The following KCNT2 variants were observed in gnomAD, a reference collection of about 807,000 sequenced individuals.
KCNT2 encodes the protein potassium channel subfamily T member 2.
In KCNT2, 67 loss-of-function variants were observed where a neutral mutation model predicts 153.8. The observed-to-expected ratio is 0.44, with a 90% confidence interval of 0.36 to 0.53. KCNT2 has a LOEUF of 0.53. KCNT2 is among the 20% of genes least tolerant of loss of function. The pLI is 0.00. For synonymous variants in KCNT2, 500 were observed against 458.8 expected (o/e 1.09, Z -1.15); for missense variants, 975 against 1,354.8 (o/e 0.72, Z 4.40).
At chr1:196,540,918 T>G (rs1558056573) in intron 1 of KCNT2, among the ~76,000 whole-genome samples, 1 of 151,594 alleles carries the variant, frequency 6.6e-6, no homozygotes, top group Non-Finnish European at 1.5e-5. Flanking sequence ...TACAAAAAAT[T>G]AGCCAGGCGT....
intron 8 of KCNT2, among the ~76,000 whole-genome samples, chr1:196,435,170 T>C (rs945050478): frequency 7.4e-6 from 1 of 135,394 alleles, no homozygotes; most frequent in African/African-American, 2.7e-5. Context: ...TATATATATA[T>C]ATATATATAT....
chr1:196,273,484 C>G (rs1047024674), intron 25 of KCNT2: 1 of 1,530,136 alleles, frequency 6.5e-7, no homozygotes, highest in South Asian at 1.2e-5. Context: ...TGCTATTTTT[C>G]GAGACTGACA....
chr1:196,322,441 A>C (rs1663416530), intron 19 of KCNT2, among the ~76,000 whole-genome samples: 1 of 151,884 alleles, frequency 6.6e-6, no homozygotes, highest in Non-Finnish European at 1.5e-5. Flanking sequence ...AACCGGTAAT[A>C]AACAAAATAA....
intron 14 of KCNT2, among the ~76,000 whole-genome samples, chr1:196,365,373 TTCCTG>T (rs1393265175): frequency 1.3e-5 from 2 of 152,150 alleles, no homozygotes; most frequent in African/African-American, 4.8e-5. Flanking sequence ...AGTTTTATAC[TTCCTG>T]TAACTCATGG....
intron 1 of KCNT2, among the ~76,000 whole-genome samples, chr1:196,579,781 C>T (rs1228798375): frequency 6.6e-6 from 1 of 152,170 alleles, no homozygotes; most frequent in East Asian, 1.9e-4. Context: ...GCATGAGCCA[C>T]CACACTCCTC....
intron 8 of KCNT2, among the ~76,000 whole-genome samples, chr1:196,464,465 A>G (rs181659565): frequency 6.6e-6 from 1 of 151,942 alleles, no homozygotes; most frequent in Admixed American, 6.6e-5. Context: ...ATTTACATGC[A>G]TACATGTATA....
At chr1:196,493,526 AT>A (rs1269385640) in intron 1 of KCNT2, among the ~76,000 whole-genome samples, 1 of 152,124 alleles carries the variant, frequency 6.6e-6, no homozygotes, top group East Asian at 1.9e-4. Context: ...AAAGCAGTTT[AT>A]TGTGTCACAA....
At chr1:196,271,173 T>G (rs1350129856) in intron 25 of KCNT2, among the ~76,000 whole-genome samples, 1 of 152,036 alleles carries the variant, frequency 6.6e-6, no homozygotes, top group Non-Finnish European at 1.5e-5. Context: ...AAAAGAATAC[T>G]ATAAGACCTG....
intron 3 of KCNT2, among the ~76,000 whole-genome samples, chr1:196,487,409 A>AGGGTGT (rs1553236224): frequency 1.4e-5 from 2 of 146,436 alleles, no homozygotes; most frequent in African/African-American, 5.0e-5. Context: ...CATGTTATGG[A>AGGGTGT]GTGTGTGTGT....
intron 1 of KCNT2, among the ~76,000 whole-genome samples, chr1:196,541,583 T>A (rs1656375894): frequency 6.6e-6 from 1 of 152,144 alleles, no homozygotes; most frequent in Admixed American, 6.5e-5. Context: ...ATGAGTATAT[T>A]TAATAAGAGA....
At chr1:196,376,724 C>T (rs1249853761) in intron 13 of KCNT2, among the ~76,000 whole-genome samples, 1 of 151,792 alleles carries the variant, frequency 6.6e-6, no homozygotes, top group African/African-American at 2.4e-5. Flanking sequence ...TTTTATTAAA[C>T]CAATTAAAAA....
intron 1 of KCNT2, among the ~76,000 whole-genome samples, chr1:196,585,136 A>C (rs1662518239): frequency 6.6e-6 from 1 of 152,128 alleles, no homozygotes; most frequent in South Asian, 2.1e-4. Context: ...ATATTTAAAA[A>C]ATGACAACTC....
chr1:196,558,436 TG>T (rs1354646271), intron 1 of KCNT2, among the ~76,000 whole-genome samples: 1 of 151,012 alleles, frequency 6.6e-6, no homozygotes, highest in Non-Finnish European at 1.5e-5. Flanking sequence ...TTTGTTAATT[TG>T]GGGGGTGTTT....
chr1:196,447,398 G>T (rs1354602393), intron 8 of KCNT2, among the ~76,000 whole-genome samples: 1 of 151,620 alleles, frequency 6.6e-6, no homozygotes, highest in Non-Finnish European at 1.5e-5. Flanking sequence ...GAAACATTTA[G>T]TTCAAAACCC....
At chr1:196,578,393 T>C (rs1558099137) in intron 1 of KCNT2, among the ~76,000 whole-genome samples, 1 of 152,000 alleles carries the variant, frequency 6.6e-6, no homozygotes, top group Non-Finnish European at 1.5e-5. Context: ...GTGCAAAAAA[T>C]AGAATGGCTG....
intron 1 of KCNT2, among the ~76,000 whole-genome samples, chr1:196,586,521 G>A (rs1322949824): frequency 6.6e-6 from 1 of 151,914 alleles, no homozygotes; most frequent in South Asian, 2.1e-4. Flanking sequence ...ATTCTTACCT[G>A]TATTATTATT....
chr1:196,591,115 G>A (rs1369401219), intron 1 of KCNT2, among the ~76,000 whole-genome samples: 1 of 152,034 alleles, frequency 6.6e-6, no homozygotes, highest in African/African-American at 2.4e-5. Flanking sequence ...GAGGTGTTTG[G>A]GTCATGAGGG....
chr1:196,381,422 AAAT>A (rs1669482019), intron 13 of KCNT2, among the ~76,000 whole-genome samples: 1 of 151,960 alleles, frequency 6.6e-6, no homozygotes, highest in Non-Finnish European at 1.5e-5. Context: ...TTTAGTAATA[AAAT>A]AATAATACTA....
chr1:196,577,394 G>A lies in KCNT2; in HGVS notation c.95+30821C>T, dbSNP rs563763655. Among the ~76,000 whole-genome samples, 17 of 152,286 alleles carry A rather than the reference G, an allele frequency of 1.1e-4. 1 individual carries two copies. The South Asian group carries it at 2.9e-3, about 26-fold the overall frequency. ...AAATTTCCCACAGTCAGGAAAAACA[G>A]ATGAAGCCTGACAGACTGAATGGAG... On this transcript the variant is annotated intron_variant, in intron 1 of 27. Transcript: ENST00000294725.
Sources: gnomAD v4.1 joint callset for allele counts (sites outside exome capture counted in the v4.1 genomes callset) on GRCh38, gnomAD v4.1.1 for gene constraint, MANE v1.5 for transcripts, NCBI Gene and HGNC (gene_info 2026-07-23, HGNC 2026-07-21) for gene names.